Variants in BCO2 observed in about 807,000 individuals in gnomAD.
BCO2 encodes beta-carotene oxygenase 2, also known as carotenoid-cleaving dioxygenase, mitochondrial.
In BCO2, 56 loss-of-function variants were observed where a neutral mutation model predicts 65.8. The observed-to-expected ratio is 0.85, with a 90% CI of 0.69 to 1.06. The LOEUF is 1.06. BCO2 is among the 50% of genes least tolerant of loss of function. BCO2 has a pLI of 0.00. For missense variants in BCO2, 675 were observed against 698.5 expected, an observed-to-expected ratio of 0.97 and a Z score of 0.38; for synonymous variants, 233 against 242.3, an observed-to-expected ratio of 0.96 and a Z score of 0.36.
intron 7 of BCO2, among the ~76,000 whole-genome samples, chr11:112,201,268 C>T (rs936400602): frequency 2.0e-5 from 3 of 152,074 alleles, no homozygotes; most frequent in Non-Finnish European, 2.9e-5. Flanking sequence ...CTGCCTCAGC[C>T]TCCCGAGTAG....
chr11:112,190,957 C>A, intron 2 of BCO2, among the ~76,000 whole-genome samples: 1 of 149,004 alleles, frequency 6.7e-6, no homozygotes, highest in South Asian at 2.1e-4. Flanking sequence ...ATATATATCT[C>A]TTGGTATATG....
chr11:112,190,446 A>G (rs1867340297), intron 2 of BCO2, among the ~76,000 whole-genome samples: 2 of 152,228 alleles, frequency 1.3e-5, no homozygotes. Flanking sequence ...TCATTAATAC[A>G]ATACAAATAC....
At chr11:112,211,506 G>A (rs1204452263) in intron 8 of BCO2, among the ~76,000 whole-genome samples, 7 of 152,054 alleles carry the variant, frequency 4.6e-5, no homozygotes, top group Admixed American at 6.6e-5. Flanking sequence ...GCTAGATCAT[G>A]TAATTCTGTG....
intron 2 of BCO2, among the ~76,000 whole-genome samples, chr11:112,191,417 A>G (rs1277825362): frequency 6.6e-6 from 1 of 152,194 alleles, no homozygotes; most frequent in Admixed American, 6.5e-5. Flanking sequence ...AGAAGATTAA[A>G]TACTTAGCAA....
chr11:112,182,814 G>T, intron 2 of BCO2: 1 of 653,536 alleles, frequency 1.5e-6, no homozygotes, highest in South Asian at 1.8e-5. Context: ...TAACAAACCG[G>T]CACGTGGTGC....
intron 2 of BCO2, among the ~76,000 whole-genome samples, chr11:112,192,856 T>TC: frequency 6.9e-6 from 1 of 145,006 alleles, no homozygotes; most frequent in Non-Finnish European, 1.5e-5. Context: ...CATGCTATTA[T>TC]CTTAGCTGTG....
intron 2 of BCO2, chr11:112,180,809 A>T: frequency 9.7e-7 from 1 of 1,031,288 alleles, no homozygotes. Context: ...CGGCAGCCCC[A>T]AGAACGGAAA....
At chr11:112,214,434 C>G (rs1040581592) in intron 9 of BCO2, among the ~76,000 whole-genome samples, 1 of 151,980 alleles carries the variant, frequency 6.6e-6, no homozygotes, top group Non-Finnish European at 1.5e-5. Context: ...CAGGCTTGAG[C>G]CACCGCGTCC....
At chr11:112,197,547 CAAAAA>C (rs67238692) in intron 5 of BCO2, among the ~76,000 whole-genome samples, 1 of 141,806 alleles carries the variant, frequency 7.1e-6, no homozygotes. Flanking sequence ...GACCCTGTCT[CAAAAA>C]AAAAAAAAAA....
intron 2 of BCO2, among the ~76,000 whole-genome samples, chr11:112,186,756 C>A (rs2135357511): frequency 6.6e-6 from 1 of 152,228 alleles, no homozygotes; most frequent in South Asian, 2.1e-4. Context: ...CTTTGGGAGG[C>A]CAAGGCAGGA....
chr11:112,182,947 A>G (rs1245871619), intron 2 of BCO2: 1 of 1,186,678 alleles, frequency 8.4e-7, no homozygotes, highest in African/African-American at 1.5e-5. Context: ...GAAGGTGTTA[A>G]TCTGAAAGGT....
In BCO2 at chr11:112,188,148, C is replaced by T. The variant is rs566289082; in HGVS notation, c.294-5326C>T. Among the ~76,000 whole-genome samples the T allele has an allele frequency of 2.0e-5, 3 of 152,322 alleles. No homozygotes were observed. The East Asian group carries it at 5.8e-4, about 29-fold the overall frequency. On this transcript the variant is annotated intron_variant, in intron 2 of 11. Coordinates refer to ENST00000357685, the MANE Select transcript of BCO2 (RefSeq NM_031938.7). ...TCTGGTGTTCTACAAATAGTTCAGA[C>T]TCTCTCAAAACCGAGCCATTGACTT...
At chr11:112,185,217 A>C (rs2135354879) in intron 2 of BCO2, among the ~76,000 whole-genome samples, 1 of 152,360 alleles carries the variant, frequency 6.6e-6, no homozygotes, top group African/African-American at 2.4e-5. Context: ...CCTCTGTAGA[A>C]ATAACCTAAA....
Position 112,202,027 on chromosome 11 carries a change from T to G in BCO2, c.1031T>G (p.Leu344Arg). The change falls in exon 8 of 12, where the codon CTT becomes CGT. Residue 344 changes from leucine to arginine, a missense_variant. Coordinates refer to ENST00000357685, the MANE Select transcript of BCO2 (RefSeq NM_031938.7). The stretch of plus-strand genomic sequence containing the variant: ...TGTTTGTGTTTTCCCCTGCAGCTCC[T>G]TCCAGGGAGATACTACAGCAAACCT... Reference protein sequence around the residue: ...HVVEKRTGQLLPGRYYSKPFV... With the variant: ...HVVEKRTGQLRPGRYYSKPFV... The G allele has an allele frequency of 6.3e-7, 1 of 1,586,172 alleles. No individual in the cohort carries two copies. Among genetic ancestry groups the G allele is most frequent in the Non-Finnish European group, 8.5e-7 (1 of 1,169,916 alleles).
At chr11:112,179,638 A>G (rs113951580) in intron 2 of BCO2, 156 bp downstream of exon 2, 22 of 697,202 alleles carry the variant, frequency 3.2e-5, no homozygotes, top group African/African-American at 3.1e-4. Flanking sequence ...AAGAAAGGAG[A>G]CTTTTTAAAC....
intron 5 of BCO2, among the ~76,000 whole-genome samples, chr11:112,197,428 G>A (rs1271931728): frequency 2.6e-5 from 4 of 151,834 alleles, no homozygotes; most frequent in African/African-American, 9.7e-5. Flanking sequence ...TGTGCCTGTG[G>A]TCCCAGCTAC....
At chr11:112,199,505 G>A (rs1867671674) in intron 5 of BCO2, among the ~76,000 whole-genome samples, 194 bp from the exon 6 acceptor site, 1 of 152,128 alleles carries the variant, frequency 6.6e-6, no homozygotes, top group African/African-American at 2.4e-5. Flanking sequence ...GTTTCAAAAC[G>A]TTAGCTAATT....
intron 8 of BCO2, among the ~76,000 whole-genome samples, chr11:112,206,653 C>T (rs556127949): frequency 3.9e-5 from 6 of 152,208 alleles, no homozygotes; most frequent in Admixed American, 2.6e-4. Context: ...TATGTGGTTG[C>T]AATTTTTTTC....
In BCO2 at chr11:112,202,003, G is replaced by T. The variant is rs765165950; in HGVS notation, c.1027-20G>T. 3.9e-6 allele frequency: 6 copies of T among 1,532,884 alleles called. No homozygotes were observed. Among genetic ancestry groups the T allele is most frequent in the Admixed American group, 4.5e-5 (2 of 44,430 alleles). 95.0% of individuals were successfully genotyped at this position (1,532,884 alleles called of 1,614,324 possible). A position where few individuals can be genotyped will look rare whatever the true frequency, so the allele number is the denominator to read the frequency against. On this transcript the variant is annotated intron_variant, in intron 7 of 11. Transcript: ENST00000357685. ...AAAACTAAAAAAAATTTTTTTCATTGTTTGTGTTTTCCCCTGCAGCTCCTT... is the reference window on the plus strand; with the variant it reads ...AAAACTAAAAAAAATTTTTTTCATTTTTTGTGTTTTCCCCTGCAGCTCCTT...
Sources: gnomAD v4.1 joint callset for allele counts (sites outside exome capture counted in the v4.1 genomes callset) on GRCh38, gnomAD v4.1.1 for gene constraint, MANE v1.5 for transcripts, NCBI Gene and HGNC (gene_info 2026-07-23, HGNC 2026-07-21) for gene names.